Variants in MKLN1 observed in about 807,000 individuals in gnomAD.
The protein encoded by MKLN1 is muskelin.
MKLN1 carries 18 observed loss-of-function variants against 99.0 expected under a neutral mutation model. The ratio of observed to expected loss-of-function variants is 0.18; its 90% CI spans 0.13 to 0.27. MKLN1 has a LOEUF of 0.27. Ranked by LOEUF, MKLN1 falls within the 10% of genes least tolerant of loss-of-function variation. MKLN1 has a pLI of 1.00. For missense variants in MKLN1, 621 were observed against 875.9 expected (o/e 0.71, Z 3.67); for synonymous variants, 288 against 293.2 (o/e 0.98, Z 0.18).
intron 2 of MKLN1, among the ~76,000 whole-genome samples, chr7:131,377,952 A>G (rs1055340514): frequency 1.3e-5 from 2 of 152,232 alleles, no homozygotes; most frequent in African/African-American, 4.8e-5. Flanking sequence ...TCTTCATTGT[A>G]GTTATTACTC....
At chr7:131,286,440 G>GT (rs996825857) in intron 3 of MKLN1, among the ~76,000 whole-genome samples, 7 of 150,820 alleles carry the variant, frequency 4.6e-5, no homozygotes, top group African/African-American at 1.2e-4. Flanking sequence ...ATGTAGCTTT[G>GT]TTTTTTTTTC....
At chr7:131,171,744 C>A (rs949085125) in intron 2 of MKLN1, among the ~76,000 whole-genome samples, 1 of 152,190 alleles carries the variant, frequency 6.6e-6, no homozygotes, top group Admixed American at 6.5e-5. Flanking sequence ...AGGCATGAGC[C>A]ACCTCGCCTA....
At chr7:131,203,122 T>C (rs1796755801) in intron 3 of MKLN1, 1 of 152,246 alleles carries the variant, frequency 6.6e-6, no homozygotes, top group Non-Finnish European at 1.5e-5. Flanking sequence ...CATAATGTTA[T>C]TTGATTCAGA....
At chr7:131,283,346 C>CCTTCCT (rs1563278415) in intron 3 of MKLN1, among the ~76,000 whole-genome samples, 738 of 51,422 alleles carry the variant, frequency 0.014, 35 homozygotes, top group African/African-American at 0.021. Flanking sequence ...TTCCCTTCCC[C>CCTTCCT]TCCTTCCTTC....
chr7:131,419,169 G>A lies in MKLN1; in HGVS notation c.847+4459G>A, dbSNP rs554658062. Among the ~76,000 whole-genome samples, 73 of 149,546 alleles carry A rather than the reference G, an allele frequency of 4.9e-4. 2 individuals carry two copies. In the South Asian group the frequency reaches 0.014, roughly 29 times the overall value. ...AGGGAGCCCATGATAGTCTTTAAAC[G>A]GTGTGCAAAATTTTTGTTTTTGTGT... On this transcript the variant is annotated intron_variant, in intron 8 of 17. Coordinates refer to ENST00000352689, the MANE Select transcript of MKLN1 (RefSeq NM_013255.5).
chr7:131,443,708 AACATTCCGT>A lies in MKLN1; in HGVS notation c.1395+12_1395+20del, dbSNP rs755821225. On this transcript the variant is annotated splice_region_variant and intron_variant, in intron 11 of 17. Coordinates refer to ENST00000352689, the MANE Select transcript of MKLN1 (RefSeq NM_013255.5). ...ACTGCATGTTATTCCACTCAGTAAG[AACATTCCGT>A]ACATTGCGTAAATGTTATTTTGTCA... 84 of 1,569,886 alleles carry A rather than the reference AACATTCCGT, an allele frequency of 5.4e-5. No homozygotes were observed. The highest frequency in any genetic ancestry group is 7.0e-5 in the Non-Finnish European group (80 of 1,139,990).
intron 6 of MKLN1, among the ~76,000 whole-genome samples, chr7:131,400,515 A>AG: frequency 7.9e-6 from 1 of 127,332 alleles, no homozygotes; most frequent in East Asian, 2.0e-4. Flanking sequence ...CCAATAAAAA[A>AG]AAAATATATA....
chr7:131,257,130 G>A (rs1797668719), intron 3 of MKLN1, among the ~76,000 whole-genome samples: 1 of 152,046 alleles, frequency 6.6e-6, no homozygotes, highest in Non-Finnish European at 1.5e-5. Flanking sequence ...GATTTAACAA[G>A]TATCTATAAA....
At chr7:131,332,825 A>G (rs1799118813) in intron 1 of MKLN1, among the ~76,000 whole-genome samples, 1 of 151,788 alleles carries the variant, frequency 6.6e-6, no homozygotes, top group South Asian at 2.1e-4. Context: ...GTACAGTGGC[A>G]TGATCATAGT....
upstream of MKLN1, among the ~76,000 whole-genome samples, chr7:131,324,899 C>T (rs192936773): frequency 2.6e-5 from 4 of 152,258 alleles, no homozygotes; most frequent in East Asian, 3.9e-4. Context: ...ATATAGCTGT[C>T]TGTATGTTAA....
chr7:131,206,731 A>AT (rs1460284571), intron 3 of MKLN1, among the ~76,000 whole-genome samples: 3 of 151,528 alleles, frequency 2.0e-5, no homozygotes, highest in Non-Finnish European at 2.9e-5. Context: ...AATTTTGTTT[A>AT]TTTTTTTAGA....
intron 12 of MKLN1, among the ~76,000 whole-genome samples, chr7:131,456,379 A>G (rs912654607): frequency 7.9e-5 from 12 of 152,210 alleles, no homozygotes; most frequent in Admixed American, 5.2e-4. Flanking sequence ...CTTCCCCAGA[A>G]TCAACCCAGA....
chr7:131,442,359 C>G (rs1187914356), intron 10 of MKLN1, among the ~76,000 whole-genome samples: 2 of 152,098 alleles, frequency 1.3e-5, no homozygotes, highest in Admixed American at 6.5e-5. Context: ...ACCAGCCTGA[C>G]CAACATGGAG....
At chr7:131,346,521 A>C (rs369515630) in intron 1 of MKLN1, among the ~76,000 whole-genome samples, 1 of 6,270 alleles carries the variant, frequency 1.6e-4, no homozygotes, top group African/African-American at 7.3e-4. Context: ...ACTCAGTCTC[A>C]AAAAAAAAAA....
intron 1 of MKLN1, among the ~76,000 whole-genome samples, chr7:131,125,910 GC>G (rs200648572): frequency 0.012 from 1,846 of 151,676 alleles, 54 homozygotes; most frequent in African/African-American, 0.043. Context: ...GGAGGCTGAG[GC>G]AGGAGAATGG....
At chr7:131,195,237 A>C (rs1382215759) in intron 2 of MKLN1, among the ~76,000 whole-genome samples, 1 of 152,124 alleles carries the variant, frequency 6.6e-6, no homozygotes, top group Non-Finnish European at 1.5e-5. Flanking sequence ...TGGGCCGGGC[A>C]CGGTGGCTCA....
At chr7:131,326,630 C>T, upstream of MKLN1, among the ~76,000 whole-genome samples, 1 of 152,204 alleles carries the variant, frequency 6.6e-6, no homozygotes, top group East Asian at 1.9e-4. Flanking sequence ...CAGGTGTGAG[C>T]CACCGTGCCG....
At chr7:131,258,355 G>A (rs189734983) in intron 3 of MKLN1, among the ~76,000 whole-genome samples, 2 of 152,206 alleles carry the variant, frequency 1.3e-5, no homozygotes, top group Admixed American at 1.3e-4. Context: ...TTCTGTTGCT[G>A]GAGGAAGATT....
intron 3 of MKLN1, among the ~76,000 whole-genome samples, chr7:131,321,281 A>G (rs1798770439): frequency 6.6e-6 from 1 of 152,236 alleles, no homozygotes; most frequent in African/African-American, 2.4e-5. Context: ...TTCCAGGGAC[A>G]TGGATGACGC....
Sources: gnomAD v4.1 joint callset for allele counts (sites outside exome capture counted in the v4.1 genomes callset) on GRCh38, gnomAD v4.1.1 for gene constraint, MANE v1.5 for transcripts, NCBI Gene and HGNC (gene_info 2026-07-23, HGNC 2026-07-21) for gene names.